Variants in GRIN2D observed in about 807,000 individuals in gnomAD.
GRIN2D encodes glutamate ionotropic receptor NMDA type subunit 2D, also known as glutamate receptor ionotropic, NMDA 2D.
In GRIN2D, 37 loss-of-function variants were observed where a neutral mutation model predicts 103.2. That is an observed-to-expected ratio of 0.36 (90% CI 0.28 to 0.47). The LOEUF is 0.47. Among genes scored for constraint, GRIN2D ranks in the 20% least tolerant of loss-of-function variants. The pLI, the probability that GRIN2D is intolerant of heterozygous loss-of-function variation, is 1.00. For synonymous variants in GRIN2D, 845 were observed against 885.6 expected, an observed-to-expected ratio of 0.95 and a Z score of 0.81; for missense variants, 1,557 against 1,910.6, an observed-to-expected ratio of 0.81 and a Z score of 3.45.
At chr19:48,415,382 TA>T (rs890562486) in intron 7 of GRIN2D, among the ~76,000 whole-genome samples, 19 of 137,108 alleles carry the variant, frequency 1.4e-4, no homozygotes, top group African/African-American at 3.6e-4. Flanking sequence ...AAAATAATAA[TA>T]AAAAAAAAGA....
At position 48,443,674 on chromosome 19, in the gene GRIN2D, C is replaced by A; in HGVS notation, c.3748C>A (p.His1250Asn). ...CACGCCCGCCGCCGCCGCGCCCCACCACCACAGGCACCGGCGCGCCGCTGG... is the reference window on the plus strand; with the variant it reads ...CACGCCCGCCGCCGCCGCGCCCCACAACCACAGGCACCGGCGCGCCGCTGG... The part of the protein sequence containing the change: ...HRTPAAAAPH[H>N]HRHRRAAGGW... Residue 1250 changes from histidine to asparagine, a missense_variant, in exon 14 of 14, where the codon CAC (histidine) becomes AAC (asparagine). This residue lies in a region of GRIN2D where 632 missense variants were observed against 572.8 expected (regional missense o/e 1.10). Transcript: ENST00000263269. The surrounding 1 kb of genome is among the most constrained non-coding windows in gnomAD (Gnocchi z 8.9). 1 of 1,203,962 alleles carries A rather than the reference C, an allele frequency of 8.3e-7. No individual in the cohort carries two copies. Among genetic ancestry groups the A allele is most frequent in the South Asian group, 3.4e-5 (1 of 29,152 alleles). The allele number at this position is 1,203,962 out of a possible 1,614,324, so 74.6% of individuals were successfully genotyped here.
At position 48,404,871 on chromosome 19, in the gene GRIN2D, G is replaced by C. The variant is rs747192073; in HGVS notation, c.603G>C (p.Leu201=). 3.1e-6 allele frequency: 5 copies of C among 1,614,078 alleles called. No homozygotes were observed. The highest frequency in any genetic ancestry group is 1.7e-5 in the Admixed American group (1 of 60,014). The change falls in exon 4 of 14, where the codon CTG becomes CTC. Residue 201 remains leucine, a synonymous_variant. Coordinates refer to ENST00000263269, the MANE Select transcript of GRIN2D (RefSeq NM_000836.4). The part of the protein sequence containing the change: ...TTRAPGHRAF[L]SYIEVLTDGS... ...GTGCCCCTGGCCACCGGGCCTTCCT[G>C]TCCTACATTGAGGTGCTGACTGACG...
chr19:48,432,636 C>T (rs1040629930), intron 11 of GRIN2D, among the ~76,000 whole-genome samples: 2 of 150,346 alleles, frequency 1.3e-5, no homozygotes, highest in African/African-American at 2.4e-5. Flanking sequence ...GTGCCACTTT[C>T]GTGTAGAGAC....
chr19:48,403,727 A>G (rs1970746795), intron 3 of GRIN2D, among the ~76,000 whole-genome samples: 1 of 152,214 alleles, frequency 6.6e-6, no homozygotes, highest in Admixed American at 6.5e-5. Flanking sequence ...ACACTCTGCA[A>G]AGCTTCTTCC....
rs955165331 is a variant in GRIN2D, at chr19:48,414,613, C to G, written c.1412+29C>G. 3.2e-6 allele frequency: 5 copies of G among 1,538,838 alleles called. No homozygotes were observed. The African/African-American group carries it at 6.9e-5, about 21-fold the overall frequency. On this transcript the variant is annotated intron_variant, in intron 6 of 13. Transcript: ENST00000263269. The surrounding 1 kb of genome is among the most constrained non-coding windows in gnomAD (Gnocchi z 4.6). ...ACAGCTCGGGATCCAGGAGTTCCGG[C>G]TCCAAAACCCGCCTCCCGTGAAGCC...
rs1600988402 is a variant in GRIN2D at position 48,428,818 on chromosome 19, A to T, written c.2252+6873A>T. ...AGGACTTCAATATGTGAATTTGGTG[A>T]GGGAACACAACTAAACCCTTAAGAC... On this transcript the variant is annotated intron_variant, in intron 11 of 13. Coordinates refer to ENST00000263269, the MANE Select transcript of GRIN2D (RefSeq NM_000836.4). 2.0e-5 allele frequency among the ~76,000 whole-genome samples: 3 copies of T among 152,108 alleles called. No homozygotes were observed. The South Asian group carries it at 6.2e-4, about 32-fold the overall frequency.
intron 11 of GRIN2D, among the ~76,000 whole-genome samples, chr19:48,429,524 T>G (rs201094479): frequency 3.3e-5 from 5 of 151,660 alleles, no homozygotes; most frequent in Non-Finnish European, 7.4e-5. Context: ...CTCAGCCTCC[T>G]GAGTAGCTGG....
intron 11 of GRIN2D, among the ~76,000 whole-genome samples, chr19:48,438,630 C>T (rs1328419336): frequency 6.6e-6 from 1 of 151,602 alleles, no homozygotes; most frequent in African/African-American, 2.4e-5. Flanking sequence ...GACGGGGTTT[C>T]GCCATGTTGG....
intron 3 of GRIN2D, among the ~76,000 whole-genome samples, chr19:48,400,048 G>A (rs993306673): frequency 4.6e-5 from 7 of 152,204 alleles, no homozygotes; most frequent in Admixed American, 3.9e-4. Context: ...GGTGGAGGCC[G>A]ACCCAGCCAA....
intron 11 of GRIN2D, among the ~76,000 whole-genome samples, chr19:48,440,459 G>A (rs1971278093): frequency 6.6e-6 from 1 of 152,156 alleles, no homozygotes; most frequent in Admixed American, 6.6e-5. Flanking sequence ...CAGATGTGGT[G>A]ATGTGTGCCT....
chr19:48,442,682 C>G lies in GRIN2D; in HGVS notation c.2756C>G (p.Ala919Gly). 2.5e-6 allele frequency: 3 copies of G among 1,222,098 alleles called. No individual in the cohort carries two copies. Among genetic ancestry groups the G allele is most frequent in the Non-Finnish European group, 3.1e-6 (3 of 982,346 alleles). The allele number at this position is 1,222,098 out of a possible 1,614,324, so 75.7% of individuals were successfully genotyped here. The change falls in exon 14 of 14, where the codon GCG becomes GGG. Residue 919 changes from alanine to glycine, a missense_variant. Around this residue, in one of 7 missense-constraint regions of GRIN2D, gnomAD observed 632 missense variants for 572.8 expected, o/e 1.10. Transcript: ENST00000263269. The surrounding 1 kb of genome is among the most constrained non-coding windows in gnomAD (Gnocchi z 7.2). ...CCGCCACAGCCCCTGCCCAGCCCCG[C>G]GTACCCCGCGCCGCGGCCGGCTCCC... ...PPPPQPLPSP[A>G]YPAPRPAPGP...
intron 11 of GRIN2D, among the ~76,000 whole-genome samples, chr19:48,438,465 A>AT (rs1476299619): frequency 6.6e-6 from 1 of 151,202 alleles, no homozygotes; most frequent in African/African-American, 2.4e-5. Flanking sequence ...CGTCTGGCTA[A>AT]TTTTTTGTAT....
Position 48,398,464 on chromosome 19 carries a change from C to A in GRIN2D, c.72C>A (p.Cys24Ter). ...TGCTGCTGCTGCTGGCGCTGGCCTG[C>A]GCCAGCCCGTTCCCGGAGGAGGCGC... ...AKMLLLLALA[C>*]ASPFPEEAPG... Residue 24 changes from cysteine (C) to a stop codon, truncating the protein, a stop_gained, in exon 3 of 14, where the codon TGC becomes TGA. Coordinates refer to ENST00000263269, the MANE Select transcript of GRIN2D (RefSeq NM_000836.4). LOFTEE classifies it high-confidence loss of function. 2 of 1,063,004 alleles carry A rather than the reference C, an allele frequency of 1.9e-6. No homozygotes were observed. The highest frequency in any genetic ancestry group is 2.3e-6 in the Non-Finnish European group (2 of 880,958). 65.8% of individuals were successfully genotyped at this position (1,063,004 alleles called of 1,614,324 possible). A position where few individuals can be genotyped will look rare whatever the true frequency, so the allele number is the denominator to read the frequency against.
intron 3 of GRIN2D, among the ~76,000 whole-genome samples, chr19:48,402,166 A>AAGAAAGAG (rs748167336): frequency 0.076 from 6,042 of 79,366 alleles, 241 homozygotes; most frequent in African/African-American, 0.14. Context: ...GAAAGAAAGA[A>AAGAAAGAG]AGAGAGAAAA....
intron 4 of GRIN2D, among the ~76,000 whole-genome samples, chr19:48,410,575 A>AG (rs935521532): frequency 3.5e-5 from 5 of 141,132 alleles, no homozygotes; most frequent in Non-Finnish European, 7.6e-5. Context: ...GGGTGGCACC[A>AG]GGCCTTTGCC....
Position 48,443,693 on chromosome 19 carries a change from C to T in GRIN2D, c.3767C>T (p.Ala1256Val). The T allele has an allele frequency of 8.0e-7, 1 of 1,242,778 alleles. No homozygotes were observed. Among genetic ancestry groups the T allele is most frequent in the Non-Finnish European group, 1.0e-6 (1 of 996,950 alleles). The allele number at this position is 1,242,778 out of a possible 1,614,324, so 77.0% of individuals were successfully genotyped here. A position where few individuals can be genotyped will look rare whatever the true frequency, so the allele number is the denominator to read the frequency against. Residue 1256 changes from alanine (A) to valine (V), a missense_variant, in exon 14 of 14, where the codon GCC (alanine) becomes GTC (valine). Ala to Val is a moderately conservative substitution (Grantham distance 64). Around this residue, in one of 7 missense-constraint regions of GRIN2D, gnomAD observed 632 missense variants for 572.8 expected, o/e 1.10. Transcript: ENST00000263269. The surrounding 1 kb of genome is among the most constrained non-coding windows in gnomAD (Gnocchi z 8.9). ...CCCCACCACCACAGGCACCGGCGCGCCGCTGGGGGCTGGGACCTCCCGCCG... is the reference window on the plus strand; with the variant it reads ...CCCCACCACCACAGGCACCGGCGCGTCGCTGGGGGCTGGGACCTCCCGCCG... ...AAPHHHRHRR[A>V]AGGWDLPPPA... is the part of the protein sequence containing the mutation.
At chr19:48,422,048 C>G in intron 11 of GRIN2D, 103 bp downstream of exon 11, 4 of 1,213,004 alleles carry the variant, frequency 3.3e-6, no homozygotes, top group Non-Finnish European at 4.7e-6. Context: ...TCCCAGAGGT[C>G]AGCCCTGGGT....
Position 48,414,172 on chromosome 19 carries a change from G to C in GRIN2D, c.1200+67G>C, listed in dbSNP as rs753257262. 9.5e-7 allele frequency: 1 copy of C among 1,050,980 alleles called. No homozygotes were observed. The highest frequency in any genetic ancestry group is 1.6e-5 in the African/African-American group (1 of 64,220). 65.1% of individuals were successfully genotyped at this position (1,050,980 alleles called of 1,614,324 possible). On this transcript the variant is annotated intron_variant, in intron 5 of 13. Transcript: ENST00000263269. The surrounding 1 kb of genome is among the most constrained non-coding windows in gnomAD (Gnocchi z 4.6). ...GACTCCTGCATCCTGGCAGAGGGGG[G>C]GCTTGAGGTCGTGGACTAAGAGGGA...
rs1000561912 is a variant in GRIN2D, at chr19:48,439,396, C to G, written c.2253-2373C>G. Among the ~76,000 whole-genome samples, 76 of 152,244 alleles carry G rather than the reference C, an allele frequency of 5.0e-4. 1 individual carries two copies. Among genetic ancestry groups the G allele is most frequent in the Admixed American group, 5.2e-4 (8 of 15,270 alleles). On this transcript the variant is annotated intron_variant, in intron 11 of 13. Transcript: ENST00000263269. Reference sequence around the variant, plus strand: ...ATTCATTCATTTATTCTGCAAATATCTATCAACCCCGTCCTACATGCCAGG... The same window carrying G: ...ATTCATTCATTTATTCTGCAAATATGTATCAACCCCGTCCTACATGCCAGG...
Sources: gnomAD v4.1 joint callset for allele counts (sites outside exome capture counted in the v4.1 genomes callset) on GRCh38, gnomAD v4.1.1 for gene constraint, gnomAD v4.1.1 regional missense constraint, Gnocchi (gnomAD v3.1) non-coding constraint, MANE v1.5 for transcripts, NCBI Gene and HGNC (gene_info 2026-07-23, HGNC 2026-07-21) for gene names.